Variants in TUSC3 observed in about 807,000 individuals in gnomAD.
The protein encoded by TUSC3 is dolichyl-diphosphooligosaccharide--protein glycosyltransferase subunit TUSC3.
In TUSC3, 45 loss-of-function variants were observed where a neutral mutation model predicts 44.8. The observed-to-expected ratio is 1.00, with a 90% CI of 0.79 to 1.29. The LOEUF (loss-of-function observed/expected upper bound fraction) is 1.29. TUSC3 is among the 50% of genes most tolerant of loss of function. The probability of loss-of-function intolerance (pLI) is 0.00; values close to 1 mark genes in which losing one functional copy is unlikely to be tolerated. For missense variants in TUSC3, 519 were observed against 437.9 expected (o/e 1.19, Z -1.65); for synonymous variants, 212 against 152.9 (o/e 1.39, Z -2.85).
chr8:15,773,225 G>C, the TUSC3 span, among the ~76,000 whole-genome samples: 1 of 152,026 alleles, frequency 6.6e-6, no homozygotes, highest in Non-Finnish European at 1.5e-5. Flanking sequence ...TATACATAAA[G>C]TAAAACGAAG....
intron 1 of TUSC3, among the ~76,000 whole-genome samples, chr8:15,428,605 A>C (rs969455655): frequency 6.6e-6 from 1 of 152,054 alleles, no homozygotes; most frequent in African/African-American, 2.4e-5. Context: ...AAGTGTTCCT[A>C]TTTCTCCACA....
chr8:15,676,923 C>A (rs867088131), intron 6 of TUSC3, among the ~76,000 whole-genome samples: 8 of 152,144 alleles, frequency 5.3e-5, no homozygotes, highest in African/African-American at 1.9e-4. Context: ...ATAGCTAGAG[C>A]TTAGGATCAT....
the TUSC3 span, among the ~76,000 whole-genome samples, chr8:15,838,830 G>T: frequency 9.2e-5 from 14 of 152,178 alleles, no homozygotes; most frequent in Middle Eastern, 3.4e-3. Flanking sequence ...GGATTGTCTT[G>T]GCAATGCAGG....
chr8:15,743,511 C>G, intron 7 of TUSC3, 27 bp from the exon 8 acceptor site: 1 of 1,611,914 alleles, frequency 6.2e-7, no homozygotes, highest in Non-Finnish European at 8.5e-7. Flanking sequence ...ACATCTATGT[C>G]TACGGCTTCC....
chr8:15,835,091 A>G, the TUSC3 span, among the ~76,000 whole-genome samples: 1 of 152,180 alleles, frequency 6.6e-6, no homozygotes, highest in East Asian at 1.9e-4. Flanking sequence ...GATAATTTTC[A>G]TCTTTCATGC....
At chr8:15,622,286 T>C (rs998188088) in intron 1 of TUSC3, among the ~76,000 whole-genome samples, 2 of 152,144 alleles carry the variant, frequency 1.3e-5, no homozygotes, top group African/African-American at 4.8e-5. Context: ...AAGAGCCTTT[T>C]TTTTTCCTTC....
chr8:15,632,295 C>A (rs903746161), intron 2 of TUSC3, among the ~76,000 whole-genome samples: 1 of 151,914 alleles, frequency 6.6e-6, no homozygotes, highest in Non-Finnish European at 1.5e-5. Context: ...AGCAACTTGC[C>A]TTTTATAGTG....
In TUSC3 at chr8:15,544,645, A is replaced by C. The variant is rs141062964; in HGVS notation, c.138+4077A>C. ...AGTTTTCGTGGCACAGCTGTGAAAC[A>C]GAGACTTTACTATCTTAGCAAATGA... On this transcript the variant is annotated intron_variant, in intron 1 of 10. Transcript: ENST00000503731. Among the ~76,000 whole-genome samples, 250 of 151,930 alleles carry C rather than the reference A, an allele frequency of 1.6e-3. 7 individuals carry two copies. The highest frequency in any genetic ancestry group is 3.1e-3 in the South Asian group (15 of 4,794).
At chr8:15,611,081 C>G (rs146987832) in intron 1 of TUSC3, among the ~76,000 whole-genome samples, 215 of 152,234 alleles carry the variant, frequency 1.4e-3, no homozygotes, top group African/African-American at 4.2e-3. Flanking sequence ...AACAAAAGGT[C>G]TTTAGGATCT....
At chr8:15,842,611 C>T in the TUSC3 span, among the ~76,000 whole-genome samples, 1 of 152,110 alleles carries the variant, frequency 6.6e-6, no homozygotes, top group Non-Finnish European at 1.5e-5. Flanking sequence ...GATTTGTACA[C>T]AGGAGAGAAA....
chr8:15,569,702 C>T (rs535357186), intron 1 of TUSC3, among the ~76,000 whole-genome samples: 14 of 152,148 alleles, frequency 9.2e-5, no homozygotes, highest in Middle Eastern at 3.4e-3. Context: ...GTAGGGTAGA[C>T]GGTTTGAAAA....
intron 1 of TUSC3, among the ~76,000 whole-genome samples, chr8:15,602,692 G>GTATATA (rs765118837): frequency 1.3e-5 from 2 of 148,310 alleles, no homozygotes; most frequent in African/African-American, 5.1e-5. Flanking sequence ...GTGTGTGTGT[G>GTATATA]TGTGTATATA....
chr8:15,500,103 G>A (rs546171269), intron 2 of TUSC3, among the ~76,000 whole-genome samples: 1 of 151,998 alleles, frequency 6.6e-6, no homozygotes, highest in African/African-American at 2.4e-5. Flanking sequence ...CTATTACCTT[G>A]ACTGTCTTTC....
At chr8:15,522,169 T>C (rs1283787889) in intron 2 of TUSC3, among the ~76,000 whole-genome samples, 1 of 152,112 alleles carries the variant, frequency 6.6e-6, no homozygotes, top group Non-Finnish European at 1.5e-5. Context: ...CAGGTAGCTT[T>C]ACCAAGCTGT....
At chr8:15,836,094 G>T in the TUSC3 span, among the ~76,000 whole-genome samples, 10 of 151,744 alleles carry the variant, frequency 6.6e-5, no homozygotes, top group African/African-American at 2.4e-4. Context: ...CTTTCTGTTT[G>T]CATTTGCTTC....
chr8:15,737,710 C>G (rs1223422238), intron 7 of TUSC3, among the ~76,000 whole-genome samples: 1 of 152,010 alleles, frequency 6.6e-6, no homozygotes, highest in Non-Finnish European at 1.5e-5. Context: ...AATTTAATGA[C>G]CAAAAAAGAA....
intron 6 of TUSC3, among the ~76,000 whole-genome samples, chr8:15,728,667 G>T (rs1024510905): frequency 6.6e-6 from 1 of 152,102 alleles, no homozygotes; most frequent in Non-Finnish European, 1.5e-5. Flanking sequence ...GCTGTTATCA[G>T]ACTTCCAGTA....
chr8:15,638,213 C>T (rs1806180933), intron 2 of TUSC3, among the ~76,000 whole-genome samples: 1 of 146,854 alleles, frequency 6.8e-6, no homozygotes, highest in Non-Finnish European at 1.5e-5. Context: ...ACCCCTTTTT[C>T]CCTGTACAGT....
At chr8:15,612,577 T>C (rs1244367954) in intron 1 of TUSC3, among the ~76,000 whole-genome samples, 1 of 152,132 alleles carries the variant, frequency 6.6e-6, no homozygotes, top group African/African-American at 2.4e-5. Context: ...TATACTGAGT[T>C]GCTATAAAGT....
Sources: allele counts gnomAD v4.1 joint callset (sites outside exome capture counted in the v4.1 genomes callset), GRCh38; gene constraint gnomAD v4.1.1; transcripts MANE v1.5; gene names NCBI Gene and HGNC (gene_info 2026-07-23, HGNC 2026-07-21).